The following RFTN2 variants were observed in gnomAD, a reference collection of about 807,000 sequenced individuals.
The protein encoded by RFTN2 is raftlin family member 2.
Under a neutral mutation model 52.7 loss-of-function variants are expected in RFTN2, and 34 were observed. The observed-to-expected ratio is 0.64, with a 90% CI of 0.49 to 0.86. RFTN2 has a LOEUF of 0.86. RFTN2 is among the 40% of genes least tolerant of loss of function. The pLI is 0.00. For missense variants in RFTN2, 536 were observed against 600.1 expected (o/e 0.89, Z 1.12); for synonymous variants, 203 against 217.7 (o/e 0.93, Z 0.59).
intron 3 of RFTN2, among the ~76,000 whole-genome samples, chr2:197,634,950 T>C (rs1411643278): frequency 7.4e-6 from 1 of 134,622 alleles, no homozygotes. Context: ...TGTGATCTCA[T>C]TGTTCAATTC....
intron 1 of RFTN2, among the ~76,000 whole-genome samples, chr2:197,650,254 CT>C (rs1464756625): frequency 5.9e-5 from 9 of 152,034 alleles, no homozygotes; most frequent in Admixed American, 1.3e-4. Context: ...AAATAAAACC[CT>C]ATACCCATTA....
In RFTN2 at chr2:197,592,569, T is replaced by G. The variant is rs115916877; in HGVS notation, c.1233+3422A>C. 6.8e-3 allele frequency among the ~76,000 whole-genome samples: 1,029 copies of G among 152,348 alleles called. 16 individuals are homozygous for G. The highest frequency in any genetic ancestry group is 0.023 in the African/African-American group (959 of 41,576). On this transcript the variant is annotated intron_variant, in intron 8 of 8. Transcript: ENST00000295049. ...ATGAAATCTATTGTTTAATGAAAAC[T>G]CATTGACAATCCTAGGACAACATTT...
chr2:197,593,275 G>A, intron 8 of RFTN2, among the ~76,000 whole-genome samples: 1 of 152,054 alleles, frequency 6.6e-6, no homozygotes, highest in East Asian at 1.9e-4. Flanking sequence ...GTACAGTGGT[G>A]AGCACCTGTA....
intron 1 of RFTN2, among the ~76,000 whole-genome samples, chr2:197,660,925 A>G (rs896198765): frequency 6.6e-6 from 1 of 152,186 alleles, no homozygotes; most frequent in African/African-American, 2.4e-5. Context: ...TTTAAAATAT[A>G]CAGTATATTG....
At chr2:197,652,161 T>C (rs1326111905) in intron 1 of RFTN2, among the ~76,000 whole-genome samples, 1 of 152,186 alleles carries the variant, frequency 6.6e-6, no homozygotes, top group Admixed American at 6.5e-5. Flanking sequence ...TGTTTTTCCA[T>C]GTGGCATGGC....
At chr2:197,646,049 G>A (rs2088743427) in intron 2 of RFTN2, among the ~76,000 whole-genome samples, 1 of 152,098 alleles carries the variant, frequency 6.6e-6, no homozygotes, top group Non-Finnish European at 1.5e-5. Context: ...GTTTTAGAAT[G>A]TAGAGATAGT....
At chr2:197,672,808 G>T (rs2089164992) in intron 1 of RFTN2, among the ~76,000 whole-genome samples, 1 of 152,096 alleles carries the variant, frequency 6.6e-6, no homozygotes, top group African/African-American at 2.4e-5. Context: ...CTCCTATAGA[G>T]ATGTAAATAA....
intron 1 of RFTN2, among the ~76,000 whole-genome samples, chr2:197,666,988 C>A (rs1252651187): frequency 6.6e-6 from 1 of 151,920 alleles, no homozygotes; most frequent in Non-Finnish European, 1.5e-5. Context: ...CTGTTTGGTT[C>A]ATTTTTATTT....
At chr2:197,646,780 TG>T in intron 1 of RFTN2, 114 bp from the exon 2 acceptor site, 1 of 802,036 alleles carries the variant, frequency 1.2e-6, no homozygotes, top group Non-Finnish European at 1.9e-6. Flanking sequence ...CCGGGTGCAA[TG>T]GCACATGCGT....
chr2:197,622,331 G>T (rs1365239105), intron 5 of RFTN2, among the ~76,000 whole-genome samples: 3 of 152,080 alleles, frequency 2.0e-5, no homozygotes, highest in African/African-American at 4.8e-5. Flanking sequence ...TTGAGACAAG[G>T]TCTCACTCTT....
chr2:197,590,716 G>A (rs987238588), intron 8 of RFTN2, among the ~76,000 whole-genome samples: 3 of 152,130 alleles, frequency 2.0e-5, no homozygotes, highest in South Asian at 2.1e-4. Context: ...GCTGGTTCAG[G>A]AATGAACCCG....
In RFTN2 at chr2:197,631,124, C is replaced by G; in HGVS notation, c.815G>C (p.Arg272Thr). 1 of 1,613,406 alleles carries G rather than the reference C, an allele frequency of 6.2e-7. No homozygotes were observed. The highest frequency in any genetic ancestry group is 2.2e-5 in the East Asian group (1 of 44,816). ...AAGTGTACTAATGACTGATCCTTTT[C>G]TTGTTACTTTCATTGACAGGATGCC... The part of the protein sequence containing the change: ...QEGILSMKVT[R>T]KGSVISTLDA... Residue 272 changes from arginine to threonine, a missense_variant, in exon 5 of 9, where the codon AGA becomes ACA. Coordinates refer to ENST00000295049, the MANE Select transcript of RFTN2 (RefSeq NM_144629.3).
At chr2:197,612,469 T>C (rs1488683835) in intron 7 of RFTN2, among the ~76,000 whole-genome samples, 3 of 152,242 alleles carry the variant, frequency 2.0e-5, no homozygotes, top group African/African-American at 7.2e-5. Flanking sequence ...TTCTCCTTTA[T>C]TTTGGTGGTT....
chr2:197,649,937 G>A (rs1431217840), intron 1 of RFTN2, among the ~76,000 whole-genome samples: 2 of 152,014 alleles, frequency 1.3e-5, no homozygotes, highest in East Asian at 3.8e-4. Context: ...TTTTATTTTA[G>A]CTCCATAATA....
At chr2:197,618,741 C>T (rs1211184354) in intron 5 of RFTN2, among the ~76,000 whole-genome samples, 1 of 151,378 alleles carries the variant, frequency 6.6e-6, no homozygotes, top group Non-Finnish European at 1.5e-5. Context: ...CCCTGCCGCC[C>T]CGTCCGGGAT....
chr2:197,599,909 A>T lies in RFTN2; in HGVS notation c.1155-3840T>A, dbSNP rs193053021. On this transcript the variant is annotated intron_variant, in intron 7 of 8. Coordinates refer to ENST00000295049, the MANE Select transcript of RFTN2 (RefSeq NM_144629.3). ...GTCTCCACTCTGTTGCCCAGGCTGG[A>T]GTGCAGTGGTATGATCTGGGCTCAC... is the stretch of plus-strand genomic sequence containing the variant. Among the ~76,000 whole-genome samples the T allele has an allele frequency of 1.5e-3, 222 of 152,090 alleles. 2 individuals are homozygous for T. Among genetic ancestry groups the T allele is most frequent in the Non-Finnish European group, 8.5e-4 (58 of 68,000 alleles).
chr2:197,598,087 G>A (rs2087820625), intron 7 of RFTN2, among the ~76,000 whole-genome samples: 1 of 152,172 alleles, frequency 6.6e-6, no homozygotes, highest in Non-Finnish European at 1.5e-5. Context: ...AGCTGATGGA[G>A]GAGGATCCCT....
chr2:197,619,740 TA>T (rs201532331), intron 5 of RFTN2, among the ~76,000 whole-genome samples: 2,399 of 126,934 alleles, frequency 0.019, 58 homozygotes, highest in East Asian at 0.084. Context: ...AATGATCAAT[TA>T]AAAAAAAAAA....
chr2:197,609,275 C>T (rs908464706), intron 7 of RFTN2, among the ~76,000 whole-genome samples: 7 of 152,174 alleles, frequency 4.6e-5, no homozygotes, highest in African/African-American at 1.7e-4. Flanking sequence ...CCTATTTCTC[C>T]ACATCTTCTC....
Sources: gnomAD v4.1 joint callset for allele counts (sites outside exome capture counted in the v4.1 genomes callset) on GRCh38, gnomAD v4.1.1 for gene constraint, MANE v1.5 for transcripts, NCBI Gene and HGNC (gene_info 2026-07-23, HGNC 2026-07-21) for gene names.